The following RBFOX1 variants were observed in gnomAD, a reference collection of about 807,000 sequenced individuals.
RBFOX1 encodes RNA binding protein fox-1 homolog 1.
A neutral mutation model predicts 57.7 loss-of-function variants in RBFOX1; 8 were observed. The observed-to-expected ratio is 0.14, with a 90% CI of 0.08 to 0.25. RBFOX1 has a LOEUF of 0.25. Ranked by LOEUF, RBFOX1 falls within the 10% of genes least tolerant of loss-of-function variation. The pLI is 1.00. For missense variants in RBFOX1, 611 were observed against 548.5 expected, an observed-to-expected ratio of 1.11 and a Z score of -1.14; for synonymous variants, 326 against 222.4, an observed-to-expected ratio of 1.47 and a Z score of -4.15.
intron 3 of RBFOX1, among the ~76,000 whole-genome samples, chr16:7,006,768 G>C (rs1568339073): frequency 1.3e-5 from 2 of 152,138 alleles, no homozygotes; most frequent in Non-Finnish European, 2.9e-5. Flanking sequence ...TTAAGAAAAA[G>C]TAAACCCTAT....
chr16:7,614,816 C>G (rs1452153434), intron 10 of RBFOX1: 2 of 152,290 alleles, frequency 1.3e-5, no homozygotes, highest in South Asian at 4.1e-4. Context: ...AAATGCTATC[C>G]CATTATTTTC....
At chr16:6,994,945 TTGTGTG>T (rs145095044) in intron 3 of RBFOX1, among the ~76,000 whole-genome samples, 86 of 148,100 alleles carry the variant, frequency 5.8e-4, no homozygotes, top group African/African-American at 9.2e-4. Flanking sequence ...TTGCATTATT[TTGTGTG>T]TGTGTGTGTG....
chr16:5,896,822 G>C (rs939177997), intron 4 of RBFOX1, among the ~76,000 whole-genome samples: 2 of 152,018 alleles, frequency 1.3e-5, no homozygotes, highest in African/African-American at 4.8e-5. Context: ...AAGTAACAGA[G>C]ATCTGGTGAA....
chr16:6,643,356 C>T (rs553120230), intron 2 of RBFOX1, among the ~76,000 whole-genome samples: 1 of 152,142 alleles, frequency 6.6e-6, no homozygotes, highest in Non-Finnish European at 1.5e-5. Context: ...TCACTGCAAA[C>T]ATTTTATACT....
At chr16:7,120,990 C>G (rs1418779247) in intron 4 of RBFOX1, among the ~76,000 whole-genome samples, 1 of 151,724 alleles carries the variant, frequency 6.6e-6, no homozygotes, top group Non-Finnish European at 1.5e-5. Context: ...ACCATATTAA[C>G]ACAATAAAGA....
rs76956336 is a variant in RBFOX1 at position 6,205,298 on chromosome 16, T to G, written c.-126-111697T>G. On this transcript the variant is annotated intron_variant, in intron 1 of 15. Transcript: ENST00000550418. ...TAGAAGAAAGGGAAGCTCTGTGTTT[T>G]AAGGTATGCTGCCTCTGTAGCTGGT... Among the ~76,000 whole-genome samples the G allele has an allele frequency of 2.8e-4, 43 of 152,356 alleles. No individual in the cohort carries two copies. The East Asian group carries it at 7.9e-3, about 28-fold the overall frequency.
chr16:5,931,527 C>G (rs565066467), intron 4 of RBFOX1, among the ~76,000 whole-genome samples: 2 of 152,256 alleles, frequency 1.3e-5, no homozygotes, highest in East Asian at 1.9e-4. Flanking sequence ...GCCCTGCATG[C>G]TCAACCACAT....
intron 3 of RBFOX1, among the ~76,000 whole-genome samples, chr16:6,981,307 C>T (rs868280898): frequency 1.3e-5 from 2 of 152,090 alleles, no homozygotes; most frequent in South Asian, 2.1e-4. Flanking sequence ...GTTTTGTCCC[C>T]CTCTATGTGT....
Position 7,657,597 on chromosome 16 carries a change from G to A in RBFOX1, c.890+3650G>A, listed in dbSNP as rs969864923. Among the ~76,000 whole-genome samples, 8 of 152,318 alleles carry A rather than the reference G, an allele frequency of 5.3e-5. No homozygotes were observed. In the East Asian group the frequency reaches 5.8e-4, roughly 11 times the overall value. Reference sequence around the variant, plus strand: ...TGGGATTATAGGCGTGGGCCACTGCGCACAGACATTCATCAATTTCCTTTT... The same window carrying A: ...TGGGATTATAGGCGTGGGCCACTGCACACAGACATTCATCAATTTCCTTTT... On this transcript the variant is annotated intron_variant, in intron 12 of 15. Transcript: ENST00000550418.
At chr16:5,887,446 G>C (rs1179728667) in intron 4 of RBFOX1, among the ~76,000 whole-genome samples, 1 of 152,208 alleles carries the variant, frequency 6.6e-6, no homozygotes, top group East Asian at 1.9e-4. Flanking sequence ...CTGTTGCCCA[G>C]GCTGGAGTGC....
chr16:5,876,308 C>G (rs1357989996), intron 4 of RBFOX1, among the ~76,000 whole-genome samples: 1 of 151,868 alleles, frequency 6.6e-6, no homozygotes, highest in East Asian at 1.9e-4. Flanking sequence ...CAATATAACC[C>G]TATGAAGTAC....
At chr16:6,223,266 G>T (rs554124551) in intron 1 of RBFOX1, among the ~76,000 whole-genome samples, 5 of 151,262 alleles carry the variant, frequency 3.3e-5, no homozygotes, top group Admixed American at 3.3e-4. Flanking sequence ...GATCCCTGAG[G>T]AATCGCCACA....
At chr16:7,620,833 T>A (rs145404339) in intron 10 of RBFOX1, among the ~76,000 whole-genome samples, 2 of 152,318 alleles carry the variant, frequency 1.3e-5, no homozygotes, top group East Asian at 3.9e-4. Context: ...TTATACTTTT[T>A]CTCTGAGCTT....
chr16:7,047,967 C>G lies in RBFOX1; in HGVS notation c.-15-4090C>G, dbSNP rs537988139. Among the ~76,000 whole-genome samples, 921 of 151,964 alleles carry G rather than the reference C, an allele frequency of 6.1e-3. 4 individuals carry two copies. The highest frequency in any genetic ancestry group is 9.8e-3 in the Non-Finnish European group (665 of 67,962). On this transcript the variant is annotated intron_variant, in intron 3 of 15. Transcript: ENST00000550418. The stretch of plus-strand genomic sequence containing the variant: ...AGTCTTTACTCACTGCAACCTCCCC[C>G]TGCCGGGTTCAAGCGATTCTCCTGT...
chr16:5,381,414 A>G lies in RBFOX1; in HGVS notation c.220-85802A>G, dbSNP rs758308. On this transcript the variant is annotated intron_variant, in intron 1 of 2. Coordinates refer to the RBFOX1 transcript ENST00000585867. ...GTCTAAAACCCTAACAGGCACATAA[A>G]TCACTTGGAGATCTGGCTCACGTGC... Among the ~76,000 whole-genome samples, 593 of 152,338 alleles carry G rather than the reference A, an allele frequency of 3.9e-3. 2 individuals are homozygous for G. The highest frequency in any genetic ancestry group is 0.014 in the Middle Eastern group (4 of 294).
chr16:6,142,510 CAT>C (rs2096726840), intron 1 of RBFOX1, among the ~76,000 whole-genome samples: 2 of 152,002 alleles, frequency 1.3e-5, no homozygotes, highest in African/African-American at 2.4e-5. Context: ...CGTGAGCCAC[CAT>C]GCCTGGCCAA....
chr16:7,038,195 C>A (rs1476187066), intron 3 of RBFOX1, among the ~76,000 whole-genome samples: 1 of 152,048 alleles, frequency 6.6e-6, no homozygotes, highest in Non-Finnish European at 1.5e-5. Context: ...TAACGATGGT[C>A]CCAGGAGACC....
At chr16:7,102,978 T>C (rs2062946596) in intron 4 of RBFOX1, among the ~76,000 whole-genome samples, 1 of 152,070 alleles carries the variant, frequency 6.6e-6, no homozygotes, top group East Asian at 1.9e-4. Context: ...CTAGCTCTGC[T>C]GTGTGTACAG....
At chr16:5,457,365 C>A (rs1331378531) in intron 1 of RBFOX1, among the ~76,000 whole-genome samples, 2 of 152,160 alleles carry the variant, frequency 1.3e-5, no homozygotes, top group Admixed American at 6.5e-5. Context: ...GAACTTCTGA[C>A]CTCAGGTGAT....
Sources: allele counts gnomAD v4.1 joint callset (sites outside exome capture counted in the v4.1 genomes callset), GRCh38; gene constraint gnomAD v4.1.1; transcripts MANE v1.5; gene names NCBI Gene and HGNC (gene_info 2026-07-23, HGNC 2026-07-21).